Variants in AASS observed in about 807,000 individuals in gnomAD.
The protein encoded by AASS is alpha-aminoadipic semialdehyde synthase, mitochondrial.
AASS carries 86 observed loss-of-function variants against 105.4 expected under a neutral mutation model. The observed-to-expected ratio is 0.82, with a 90% CI of 0.69 to 0.98. AASS has a LOEUF of 0.98. AASS is among the 50% of genes least tolerant of loss of function. AASS has a pLI of 0.00. For synonymous variants in AASS, 381 were observed against 394.8 expected, an observed-to-expected ratio of 0.96 and a Z score of 0.41; for missense variants, 1,048 against 1,143.2, an observed-to-expected ratio of 0.92 and a Z score of 1.20.
chr7:122,098,872 T>TA lies in AASS; in HGVS notation c.1407-7dup, dbSNP rs34474265. 197,821 of 1,131,428 alleles carry TA rather than the reference T, an allele frequency of 0.17. 3,219 individuals are homozygous for TA. The highest frequency in any genetic ancestry group is 0.26 in the African/African-American group (11,976 of 46,352). 70.1% of individuals were successfully genotyped at this position (1,131,428 alleles called of 1,614,324 possible). On this transcript the variant is annotated splice_region_variant and splice_polypyrimidine_tract_variant and intron_variant, in intron 13 of 23. Transcript: ENST00000417368. The stretch of plus-strand genomic sequence containing the variant: ...AAAGTGACTGAGCACGTTCCCTATT[T>TA]AAAAAAAAAAAAAAAAAAAAAAAAG...
chr7:122,092,691 T>A, intron 17 of AASS, 152 bp downstream of exon 17: 1 of 700,032 alleles, frequency 1.4e-6, no homozygotes, highest in Admixed American at 2.1e-5. Flanking sequence ...GCCGTTGCAC[T>A]CCAGCCTGGG....
intron 19 of AASS, among the ~76,000 whole-genome samples, chr7:122,084,341 C>G (rs1793518822): frequency 6.6e-6 from 1 of 152,092 alleles, no homozygotes; most frequent in Non-Finnish European, 1.5e-5. Context: ...CTTACAATCT[C>G]TTTTGGGAGA....
chr7:122,130,182 A>T (rs1332183005), intron 2 of AASS, among the ~76,000 whole-genome samples: 2 of 152,102 alleles, frequency 1.3e-5, no homozygotes, highest in Admixed American at 1.3e-4. Flanking sequence ...GATCAAAAAA[A>T]TATGAAAATT....
chr7:122,076,186 CAACA>C lies in AASS; in HGVS notation c.*299_*302del. ...GAGACTCCATCTCAAAAAACAACAA[CAACA>C]AAAAAAAAACAAAAGAAAAAAAGTG... is the stretch of plus-strand genomic sequence containing the variant. On this transcript the variant is annotated 3_prime_UTR_variant, in exon 24 of 24. Transcript: ENST00000417368. 1 of 310,152 alleles carries C rather than the reference CAACA, an allele frequency of 3.2e-6. No individual in the cohort carries two copies. Among genetic ancestry groups the C allele is most frequent in the Non-Finnish European group, 6.1e-6 (1 of 164,902 alleles). The allele number at this position is 310,152 out of a possible 1,614,324, so 19.2% of individuals were successfully genotyped here.
At chr7:122,105,762 T>A (rs1181015794) in intron 11 of AASS, among the ~76,000 whole-genome samples, 1 of 151,946 alleles carries the variant, frequency 6.6e-6, no homozygotes, top group Non-Finnish European at 1.5e-5. Flanking sequence ...AATTTTGAAA[T>A]GCCTATTTCA....
chr7:122,092,706 A>G, intron 17 of AASS, 137 bp downstream of exon 17: 1 of 749,316 alleles, frequency 1.3e-6, no homozygotes, highest in Non-Finnish European at 2.3e-6. Context: ...CCTGGGCAAC[A>G]AGAGCAAAAC....
intron 18 of AASS, among the ~76,000 whole-genome samples, chr7:122,089,383 G>C (rs924282493): frequency 6.6e-6 from 1 of 152,010 alleles, no homozygotes; most frequent in African/African-American, 2.4e-5. Flanking sequence ...GTGGGACCTT[G>C]AAAAAAGTAT....
chr7:122,112,816 C>CA (rs1444695819), intron 11 of AASS, among the ~76,000 whole-genome samples: 1 of 151,808 alleles, frequency 6.6e-6, no homozygotes, highest in Non-Finnish European at 1.5e-5. Context: ...ACATAGATGG[C>CA]AAAAAATTAA....
Position 122,101,677 on chromosome 7 carries a change from A to G in AASS, c.1282T>C (p.Leu428=), listed in dbSNP as rs770867485. ...MLYPYVEEMI[L]SDATQPLESQ... ...TCAAGAGGCTGTGTCGCGTCTGATA[A>G]TATCTGAAAGGAAAATGAGATTTGT... Residue 428 remains leucine (L), a synonymous_variant, in exon 12 of 24, where the codon TTA becomes CTA. Transcript: ENST00000417368. 3 of 1,610,804 alleles carry G rather than the reference A, an allele frequency of 1.9e-6. No homozygotes were observed. The South Asian group carries it at 3.3e-5, about 18-fold the overall frequency.
chr7:122,099,790 T>C (rs1033184661), intron 13 of AASS, among the ~76,000 whole-genome samples: 1 of 151,774 alleles, frequency 6.6e-6, no homozygotes, highest in Non-Finnish European at 1.5e-5. Context: ...AAAATAAATA[T>C]AAGTATAAAA....
At chr7:122,077,381 T>C (rs552513495) in intron 23 of AASS, among the ~76,000 whole-genome samples, 3 of 152,304 alleles carry the variant, frequency 2.0e-5, no homozygotes, top group Admixed American at 6.5e-5. Context: ...TTCTTGAGAA[T>C]CTGGAGTGAA....
chr7:122,129,758 C>CAT (rs139822555), intron 2 of AASS, among the ~76,000 whole-genome samples: 5,276 of 150,628 alleles, frequency 0.035, 131 homozygotes, highest in Middle Eastern at 0.055. Context: ...GAAAACACAG[C>CAT]ATATATATAT....
chr7:122,085,470 C>A (rs750069431), intron 19 of AASS, among the ~76,000 whole-genome samples: 1 of 151,700 alleles, frequency 6.6e-6, no homozygotes, highest in Non-Finnish European at 1.5e-5. Context: ...TCATCCCGTC[C>A]GTTTCCTCCC....
At chr7:122,085,026 T>A (rs1167693124) in intron 19 of AASS, among the ~76,000 whole-genome samples, 1 of 152,144 alleles carries the variant, frequency 6.6e-6, no homozygotes, top group African/African-American at 2.4e-5. Flanking sequence ...GCAGATAGAA[T>A]TAATTAAGGA....
Position 122,118,323 on chromosome 7 carries a change from G to C in AASS, c.671C>G (p.Thr224Ser), listed in dbSNP as rs1228087763. 3.7e-6 allele frequency: 6 copies of C among 1,614,094 alleles called. No individual in the cohort carries two copies. Among genetic ancestry groups the C allele is most frequent in the Non-Finnish European group, 5.1e-6 (6 of 1,180,014 alleles). Residue 224 changes from threonine to serine, a missense_variant, in exon 6 of 24, where the codon ACT becomes AGT. By Grantham distance (58) the Thr-to-Ser change is moderately conservative. Transcript: ENST00000417368. Reference protein sequence around the residue: ...IGPLTFVFTGTGNVSKGAQAI... With the variant: ...IGPLTFVFTGSGNVSKGAQAI... ...AAAAGTTACCTTAGAAACATTACCA[G>C]TTCCTGTGAACACAAATGTTAAGGG...
At chr7:122,103,429 C>T (rs973308747) in intron 11 of AASS, among the ~76,000 whole-genome samples, 4 of 152,138 alleles carry the variant, frequency 2.6e-5, no homozygotes, top group Admixed American at 2.0e-4. Flanking sequence ...GGGAATTCTT[C>T]ACCACTAGAG....
chr7:122,078,729 C>A (rs2150506739), intron 22 of AASS, 133 bp downstream of exon 22: 2 of 801,148 alleles, frequency 2.5e-6, no homozygotes, highest in Middle Eastern at 3.3e-4. Context: ...GAAAAATAGT[C>A]CAATTGCCCT....
At chr7:122,092,480 T>C (rs1364450244) in intron 17 of AASS, among the ~76,000 whole-genome samples, 1 of 152,066 alleles carries the variant, frequency 6.6e-6, no homozygotes, top group African/African-American at 2.4e-5. Context: ...ATTTAAAATT[T>C]CTGGGAGGCT....
At chr7:122,080,175 G>A (rs377460033) in intron 20 of AASS, among the ~76,000 whole-genome samples, 1 of 152,236 alleles carries the variant, frequency 6.6e-6, no homozygotes, top group East Asian at 1.9e-4. Context: ...AATCTCAAAG[G>A]AAGAATACTT....
Sources: gnomAD v4.1 joint callset for allele counts (sites outside exome capture counted in the v4.1 genomes callset) on GRCh38, gnomAD v4.1.1 for gene constraint, MANE v1.5 for transcripts, NCBI Gene and HGNC (gene_info 2026-07-23, HGNC 2026-07-21) for gene names.